Variants in CAMK1D observed in about 807,000 individuals in gnomAD.
CAMK1D encodes the protein calcium/calmodulin-dependent protein kinase type 1D.
A neutral mutation model predicts 47.7 loss-of-function variants in CAMK1D; 9 were observed. That is an observed-to-expected ratio of 0.19 (90% CI 0.11 to 0.33). The LOEUF (loss-of-function observed/expected upper bound fraction) is 0.33. Ranked by LOEUF, CAMK1D falls within the 10% of genes least tolerant of loss-of-function variation. The pLI, the probability that CAMK1D is intolerant of heterozygous loss-of-function variation, is 1.00. For missense variants in CAMK1D, 291 were observed against 488.7 expected (o/e 0.60, Z 3.81); for synonymous variants, 184 against 184.9 (o/e 0.99, Z 0.04).
intron 5 of CAMK1D, among the ~76,000 whole-genome samples, chr10:12,779,649 T>G (rs954948104): frequency 2.0e-5 from 3 of 152,318 alleles, no homozygotes; most frequent in Middle Eastern, 3.4e-3. Flanking sequence ...CAGGCTGGTC[T>G]TGAACTCCTG....
chr10:12,369,286 A>G (rs1837940186), intron 1 of CAMK1D, among the ~76,000 whole-genome samples: 1 of 152,204 alleles, frequency 6.6e-6, no homozygotes, highest in South Asian at 2.1e-4. Context: ...CATAGTTAGG[A>G]TTTGAACTTT....
At chr10:12,697,692 C>G (rs967449045) in intron 3 of CAMK1D, among the ~76,000 whole-genome samples, 1 of 152,224 alleles carries the variant, frequency 6.6e-6, no homozygotes, top group Non-Finnish European at 1.5e-5. Flanking sequence ...AGCCACTCCA[C>G]CCAGCCAAAT....
At chr10:12,382,617 G>C (rs1046602413) in intron 1 of CAMK1D, among the ~76,000 whole-genome samples, 1 of 152,144 alleles carries the variant, frequency 6.6e-6, no homozygotes, top group South Asian at 2.1e-4. Flanking sequence ...CTGAGGTCAG[G>C]AGTTCCAGAC....
In CAMK1D at chr10:12,829,066, T is replaced by C; in HGVS notation, c.*179T>C. On this transcript the variant is annotated 3_prime_UTR_variant, in exon 11 of 11. Coordinates refer to ENST00000619168, the MANE Select transcript of CAMK1D (RefSeq NM_153498.4). ...ACTGCAATTCTGAAGTGTTCATTTC[T>C]CACAAACTGTACTGACTCGAGGGGC... 5.3e-6 allele frequency: 3 copies of C among 565,686 alleles called. No individual in the cohort carries two copies. Among genetic ancestry groups the C allele is most frequent in the Non-Finnish European group, 9.4e-6 (3 of 319,460 alleles). 35.0% of individuals were successfully genotyped at this position (565,686 alleles called of 1,614,324 possible).
At chr10:12,399,565 C>T (rs965735505) in intron 1 of CAMK1D, among the ~76,000 whole-genome samples, 1 of 151,820 alleles carries the variant, frequency 6.6e-6, no homozygotes, top group Non-Finnish European at 1.5e-5. Flanking sequence ...ATAGGAGCCA[C>T]ACCATGGCTT....
At chr10:12,763,664 C>T (rs1055093271) in intron 4 of CAMK1D, among the ~76,000 whole-genome samples, 4 of 152,072 alleles carry the variant, frequency 2.6e-5, no homozygotes, top group African/African-American at 7.2e-5. Context: ...GATATCCATC[C>T]GCTGGGGGGC....
chr10:12,772,036 GA>G (rs35859252), intron 5 of CAMK1D, among the ~76,000 whole-genome samples: 86,323 of 145,386 alleles, frequency 0.59, 25,156 homozygotes, highest in African/African-American at 0.62. Context: ...GCTATCTCAG[GA>G]AAAAAAAAAA....
chr10:12,642,795 G>A (rs545470150), intron 2 of CAMK1D, among the ~76,000 whole-genome samples: 2 of 152,144 alleles, frequency 1.3e-5, no homozygotes, highest in South Asian at 2.1e-4. Context: ...ATGTTCTAGA[G>A]TCATTTCCAG....
chr10:12,770,011 T>A (rs572799410), intron 5 of CAMK1D, among the ~76,000 whole-genome samples: 5 of 152,250 alleles, frequency 3.3e-5, no homozygotes, highest in African/African-American at 1.2e-4. Context: ...CTGAAAACTT[T>A]TGCACAGTTG....
At chr10:12,466,868 G>C (rs1571211) in intron 1 of CAMK1D, among the ~76,000 whole-genome samples, 40,603 of 151,870 alleles carry the variant, frequency 0.27, 6,120 homozygotes, top group Non-Finnish European at 0.33. Flanking sequence ...CAGATGACAG[G>C]TGCAAAATGA....
chr10:12,606,190 G>C (rs1467450059), intron 2 of CAMK1D, among the ~76,000 whole-genome samples: 2 of 152,230 alleles, frequency 1.3e-5, no homozygotes, highest in South Asian at 2.1e-4. Context: ...GGCTGCTCAG[G>C]GACCACAGGG....
At chr10:12,425,717 C>T (rs748421701) in intron 1 of CAMK1D, among the ~76,000 whole-genome samples, 14 of 152,246 alleles carry the variant, frequency 9.2e-5, no homozygotes, top group Non-Finnish European at 1.6e-4. Context: ...GTCTTGGGCA[C>T]AGCTCGCTGA....
At chr10:12,724,917 C>G (rs1267098597) in intron 3 of CAMK1D, among the ~76,000 whole-genome samples, 2 of 152,014 alleles carry the variant, frequency 1.3e-5, no homozygotes, top group Non-Finnish European at 2.9e-5. Flanking sequence ...CTCTCCGTGT[C>G]TCAGCGTCTG....
intron 1 of CAMK1D, among the ~76,000 whole-genome samples, chr10:12,507,393 A>G (rs58357648): frequency 0.018 from 2,757 of 152,198 alleles, 58 homozygotes; most frequent in East Asian, 0.074. Flanking sequence ...GCAGGGAAGC[A>G]CCCTTTTTGT....
rs537697759 is a variant in CAMK1D, at chr10:12,553,294, C to T, written c.162C>T (p.Ile54=). Reference sequence around the variant, plus strand: ...GCAAGCTCTTTGCTGTGAAGTGTATCCCTAAGAAGGCGCTGAAGGGCAAGG... The same window carrying T: ...GCAAGCTCTTTGCTGTGAAGTGTATTCCTAAGAAGGCGCTGAAGGGCAAGG... The part of the protein sequence containing the change: ...ATGKLFAVKC[I]PKKALKGKES... Residue 54 remains isoleucine (I), a synonymous_variant, in exon 2 of 11, where the codon ATC becomes ATT. Transcript: ENST00000619168. 17 of 1,614,146 alleles carry T rather than the reference C, an allele frequency of 1.1e-5. No individual in the cohort carries two copies. Among genetic ancestry groups the T allele is most frequent in the Middle Eastern group, 1.6e-4 (1 of 6,062 alleles).
intron 3 of CAMK1D, among the ~76,000 whole-genome samples, chr10:12,688,857 T>C (rs149452406): frequency 1.1e-3 from 167 of 152,284 alleles, no homozygotes; most frequent in South Asian, 6.0e-3. Context: ...CTCATTTTTG[T>C]ATTTTAGTAG....
At chr10:12,646,806 T>C (rs1197268102) in intron 2 of CAMK1D, among the ~76,000 whole-genome samples, 1 of 152,148 alleles carries the variant, frequency 6.6e-6, no homozygotes, top group Non-Finnish European at 1.5e-5. Context: ...CGTTCAGTTG[T>C]TGTGTTGCAG....
chr10:12,635,163 G>A (rs1418057381), intron 2 of CAMK1D, among the ~76,000 whole-genome samples: 7 of 152,090 alleles, frequency 4.6e-5, no homozygotes, highest in Non-Finnish European at 7.4e-5. Flanking sequence ...GAGGAGGAGA[G>A]TTTGGGGGCT....
chr10:12,769,598 C>T (rs1274258503), intron 4 of CAMK1D, 75 bp from the exon 5 acceptor site: 92 of 1,526,842 alleles, frequency 6.0e-5, no homozygotes, highest in Non-Finnish European at 7.7e-5. Context: ...ATAGGTTTTG[C>T]AGCTGAATGA....
Sources: gnomAD v4.1 joint callset for allele counts (sites outside exome capture counted in the v4.1 genomes callset) on GRCh38, gnomAD v4.1.1 for gene constraint, MANE v1.5 for transcripts, NCBI Gene and HGNC (gene_info 2026-07-23, HGNC 2026-07-21) for gene names.